The following AFG2A variants were observed in gnomAD, a reference collection of about 807,000 sequenced individuals.
AFG2A encodes AAA ATPase AFG2A.
the AFG2A span, among the ~76,000 whole-genome samples, chr4:123,021,009 A>G: frequency 6.6e-6 from 1 of 152,198 alleles, no homozygotes; most frequent in Non-Finnish European, 1.5e-5. Flanking sequence ...ACTGGCCTTG[A>G]GAAGTCCATA....
the AFG2A span, among the ~76,000 whole-genome samples, chr4:123,178,408 A>T: frequency 1.3e-4 from 20 of 152,326 alleles, no homozygotes; most frequent in Admixed American, 1.2e-3. Flanking sequence ...GGAACTGTTT[A>T]AAAAATTTTG....
chr4:123,210,673 T>A, the AFG2A span, among the ~76,000 whole-genome samples: 1 of 151,736 alleles, frequency 6.6e-6, no homozygotes, highest in Non-Finnish European at 1.5e-5. Flanking sequence ...TTTGATATAC[T>A]GATTTCTTTT....
At chr4:123,171,757 C>T in the AFG2A span, among the ~76,000 whole-genome samples, 1 of 152,002 alleles carries the variant, frequency 6.6e-6, no homozygotes, top group African/African-American at 2.4e-5. Context: ...TTTTGCAATA[C>T]TAACTTGTAT....
the AFG2A span, among the ~76,000 whole-genome samples, chr4:122,998,450 A>G: frequency 5.7e-3 from 861 of 151,686 alleles, 10 homozygotes; most frequent in Non-Finnish European, 8.6e-3. Flanking sequence ...TCCTAATGCT[A>G]TCCCTCCCCA....
At chr4:123,196,395 CTT>C in the AFG2A span, among the ~76,000 whole-genome samples, 2 of 152,050 alleles carry the variant, frequency 1.3e-5, no homozygotes, top group East Asian at 3.9e-4. Flanking sequence ...ACATATTTCT[CTT>C]ATCACTAAGA....
At chr4:123,003,822 A>G in the AFG2A span, among the ~76,000 whole-genome samples, 256 of 151,698 alleles carry the variant, frequency 1.7e-3, 3 homozygotes, top group South Asian at 0.023. Flanking sequence ...TGGGAAAACC[A>G]CTGCTGTCCT....
the AFG2A span, among the ~76,000 whole-genome samples, chr4:123,044,883 A>T: frequency 2.0e-5 from 3 of 151,646 alleles, no homozygotes; most frequent in Admixed American, 6.6e-5. Context: ...GCACTTTAAA[A>T]TTTCCAATAT....
chr4:123,150,434 A>G, the AFG2A span, among the ~76,000 whole-genome samples: 13 of 152,226 alleles, frequency 8.5e-5, no homozygotes, highest in East Asian at 1.9e-4. Context: ...AAGTCCCAGG[A>G]TACAAAATCA....
chr4:123,317,794 G>A, the AFG2A span: 1 of 152,196 alleles, frequency 6.6e-6, no homozygotes, highest in Non-Finnish European at 1.5e-5. Context: ...ATGAAACATG[G>A]ATGAACAAAG....
chr4:123,085,221 C>T, the AFG2A span, among the ~76,000 whole-genome samples: 6 of 152,082 alleles, frequency 3.9e-5, no homozygotes, highest in African/African-American at 1.4e-4. Context: ...TAAGTTATAT[C>T]CAGTTGAATT....
At chr4:123,185,739 G>A in the AFG2A span, among the ~76,000 whole-genome samples, 151 of 152,120 alleles carry the variant, frequency 9.9e-4, 1 homozygote, top group African/African-American at 3.5e-3. Flanking sequence ...CTAAAAATAT[G>A]TTCCTGTTCC....
the AFG2A span, among the ~76,000 whole-genome samples, chr4:123,170,652 CTT>C: frequency 1.3e-5 from 2 of 151,990 alleles, no homozygotes; most frequent in Non-Finnish European, 2.9e-5. Flanking sequence ...CCAGGAAATT[CTT>C]TTTTGATTGG....
chr4:122,935,736 G>A, the AFG2A span: 2 of 1,608,596 alleles, frequency 1.2e-6, no homozygotes, highest in Non-Finnish European at 1.7e-6. Context: ...CTAGAGGAGT[G>A]TTACTTTATG....
chr4:123,287,174 A>C, the AFG2A span, among the ~76,000 whole-genome samples: 1 of 152,152 alleles, frequency 6.6e-6, no homozygotes, highest in African/African-American at 2.4e-5. Flanking sequence ...ACTTGCAGCC[A>C]CTCAGGAATA....
At chr4:123,039,290 A>G in the AFG2A span, among the ~76,000 whole-genome samples, 1 of 152,110 alleles carries the variant, frequency 6.6e-6, no homozygotes, top group African/African-American at 2.4e-5. Context: ...TGTAAGAACA[A>G]CAGCAATAAT....
At chr4:122,941,810 C>G in the AFG2A span, among the ~76,000 whole-genome samples, 1 of 151,574 alleles carries the variant, frequency 6.6e-6, no homozygotes, top group Admixed American at 6.6e-5. Flanking sequence ...TATGTCCCAT[C>G]AATACCTAAT....
chr4:123,056,226 T>C, the AFG2A span, among the ~76,000 whole-genome samples: 1 of 152,210 alleles, frequency 6.6e-6, no homozygotes, highest in Non-Finnish European at 1.5e-5. Flanking sequence ...GCTTTAACTT[T>C]TAAGGCACAA....
At chr4:123,313,677 G>A in the AFG2A span, among the ~76,000 whole-genome samples, 10 of 152,310 alleles carry the variant, frequency 6.6e-5, no homozygotes, top group African/African-American at 2.2e-4. Context: ...TTAATACGTT[G>A]CTTTGGGATG....
chr4:123,231,897 AG>A, the AFG2A span, among the ~76,000 whole-genome samples: 6 of 152,022 alleles, frequency 3.9e-5, no homozygotes, highest in Non-Finnish European at 5.9e-5. Flanking sequence ...TTGTCAGTTA[AG>A]TTTACCATCT....
Sources: gnomAD v4.1 joint callset for allele counts (sites outside exome capture counted in the v4.1 genomes callset) on GRCh38, gnomAD v4.1.1 for gene constraint, MANE v1.5 for transcripts, NCBI Gene and HGNC (gene_info 2026-07-23, HGNC 2026-07-21) for gene names.